Variants in COL27A1 observed in about 807,000 individuals in gnomAD.
COL27A1 encodes the protein collagen type XXVII alpha 1 chain, also known as collagen alpha-1(XXVII) chain.
In COL27A1, 106 loss-of-function variants were observed where a neutral mutation model predicts 251.3. The observed-to-expected ratio is 0.42, with a 90% CI of 0.36 to 0.50. The LOEUF is 0.50. Among genes scored for constraint, COL27A1 ranks in the 20% least tolerant of loss-of-function variants. The pLI is 0.00. For missense variants in COL27A1, 2,325 were observed against 2,522.8 expected (o/e 0.92, Z 1.68); for synonymous variants, 1,000 against 986.3 (o/e 1.01, Z -0.26).
chr9:114,257,136 G>C (rs1253790439), intron 27 of COL27A1, among the ~76,000 whole-genome samples: 2 of 152,228 alleles, frequency 1.3e-5, no homozygotes, highest in Non-Finnish European at 2.9e-5. Context: ...CAAAGCCATG[G>C]GGAAAGGGAA....
At chr9:114,276,730 G>A (rs1284713403) in intron 37 of COL27A1, among the ~76,000 whole-genome samples, 2 of 152,208 alleles carry the variant, frequency 1.3e-5, no homozygotes, top group African/African-American at 2.4e-5. Flanking sequence ...AATGTACTTA[G>A]TCAGTCCACA....
intron 5 of COL27A1, among the ~76,000 whole-genome samples, chr9:114,185,310 A>G (rs1470897648): frequency 6.6e-6 from 1 of 152,228 alleles, no homozygotes; most frequent in African/African-American, 2.4e-5. Flanking sequence ...CACTGGAATC[A>G]GAGGCTGCTT....
At chr9:114,257,148 T>C (rs1433325846) in intron 27 of COL27A1, among the ~76,000 whole-genome samples, 3 of 152,036 alleles carry the variant, frequency 2.0e-5, no homozygotes, top group East Asian at 1.9e-4. Flanking sequence ...GAAAGGGAAA[T>C]GGGAAAGTCA....
chr9:114,246,883 A>G (rs75114852), intron 24 of COL27A1, among the ~76,000 whole-genome samples: 1 of 151,742 alleles, frequency 6.6e-6, no homozygotes, highest in African/African-American at 2.4e-5. Context: ...AAAAAAAAAA[A>G]GGCAATTTGA....
At chr9:114,255,305 C>T (rs1833846368) in intron 27 of COL27A1, among the ~76,000 whole-genome samples, 1 of 152,124 alleles carries the variant, frequency 6.6e-6, no homozygotes, top group African/African-American at 2.4e-5. Flanking sequence ...GCCTCCCTCC[C>T]AGTGGTCAGA....
Position 114,300,606 on chromosome 9 carries a change from C to G in COL27A1, c.4639-19C>G. ...CAGTGGCTGCCAAGTACAGACAGCC[C>G]TTTCTCTGCCTCCCACAGGGCCCGC... is the stretch of plus-strand genomic sequence containing the variant. On this transcript the variant is annotated intron_variant, in intron 50 of 60. Coordinates refer to ENST00000356083, the MANE Select transcript of COL27A1 (RefSeq NM_032888.4). The G allele has an allele frequency of 1.3e-6, 2 of 1,535,622 alleles. No individual in the cohort carries two copies. The highest frequency in any genetic ancestry group is 2.5e-5 in the South Asian group (2 of 79,712).
At chr9:114,273,176 AG>A (rs1349546828) in intron 36 of COL27A1, 3 of 148,552 alleles carry the variant, frequency 2.0e-5, no homozygotes, top group African/African-American at 7.5e-5. Context: ...CACCTGGAAC[AG>A]GCTGTCTGCC....
At chr9:114,299,887 G>C (rs1564585567) in intron 49 of COL27A1, among the ~76,000 whole-genome samples, 183 bp from the exon 50 acceptor site, 1 of 152,216 alleles carries the variant, frequency 6.6e-6, no homozygotes, top group African/African-American at 2.4e-5. Context: ...GCTCCCCTCA[G>C]AGCCCAGGCG....
At chr9:114,164,401 G>A (rs764511334) in intron 2 of COL27A1, among the ~76,000 whole-genome samples, 5 of 152,228 alleles carry the variant, frequency 3.3e-5, no homozygotes, top group African/African-American at 4.8e-5. Context: ...TTTGCCAGGT[G>A]TCAGGGCTTG....
intron 56 of COL27A1, among the ~76,000 whole-genome samples, chr9:114,303,742 A>C (rs1053862080): frequency 2.0e-5 from 3 of 152,232 alleles, no homozygotes; most frequent in Admixed American, 1.3e-4. Context: ...CCCAGGCCTC[A>C]GCTTTTGCTG....
At chr9:114,216,204 T>C (rs917036070) in intron 12 of COL27A1, among the ~76,000 whole-genome samples, 6 of 152,154 alleles carry the variant, frequency 3.9e-5, no homozygotes, top group Non-Finnish European at 7.4e-5. Context: ...AAGTATGAAG[T>C]GTTCAGTTCT....
Position 114,310,761 on chromosome 9 carries a change from C to T in COL27A1, c.*66C>T, listed in dbSNP as rs1321302207. 4.5e-6 allele frequency: 7 copies of T among 1,569,534 alleles called. No individual in the cohort carries two copies. The highest frequency in any genetic ancestry group is 6.1e-6 in the Non-Finnish European group (7 of 1,146,674). On this transcript the variant is annotated 3_prime_UTR_variant, in exon 61 of 61. Coordinates refer to ENST00000356083, the MANE Select transcript of COL27A1 (RefSeq NM_032888.4). ...AAGAGGAAGAGGCAAGGGGAGGGTA[C>T]TGAGGGGCAGATGGCTCCAGGAGAG...
intron 3 of COL27A1, among the ~76,000 whole-genome samples, chr9:114,172,611 TG>T (rs761760736): frequency 4.6e-5 from 7 of 152,164 alleles, no homozygotes; most frequent in Admixed American, 6.6e-5. Flanking sequence ...TTCGCCAACA[TG>T]GTGAAACCCT....
chr9:114,231,797 G>A, intron 15 of COL27A1, 25 bp from the exon 16 acceptor site: 13 of 1,613,972 alleles, frequency 8.1e-6, no homozygotes, highest in Non-Finnish European at 1.1e-5. Flanking sequence ...TCCCATCACA[G>A]CTGGCCTTGG....
chr9:114,293,019 C>T (rs1212525186), intron 49 of COL27A1, among the ~76,000 whole-genome samples: 1 of 152,224 alleles, frequency 6.6e-6, no homozygotes, highest in African/African-American at 2.4e-5. Context: ...CAATATATTT[C>T]TCTCCTAATG....
chr9:114,194,384 T>C lies in COL27A1; in HGVS notation c.2017-20T>C. The C allele has an allele frequency of 6.2e-7, 1 of 1,612,662 alleles. No homozygotes were observed. The highest frequency in any genetic ancestry group is 8.5e-7 in the Non-Finnish European group (1 of 1,179,306). On this transcript the variant is annotated intron_variant, in intron 5 of 60. Transcript: ENST00000356083. ...TTTCTAGATGACTTGGTGGCCAAAG[T>C]GGAATTGTTTTTGTTTCAGGGACAG...
At chr9:114,224,974 C>T (rs1588698722) in intron 14 of COL27A1, among the ~76,000 whole-genome samples, 1 of 152,268 alleles carries the variant, frequency 6.6e-6, no homozygotes, top group South Asian at 2.1e-4. Context: ...CTCTCCGCTG[C>T]ACTCCACTGT....
intron 6 of COL27A1, among the ~76,000 whole-genome samples, chr9:114,194,738 T>C (rs1828988064): frequency 1.3e-5 from 2 of 152,240 alleles, no homozygotes; most frequent in African/African-American, 4.8e-5. Flanking sequence ...TTGGTGAATG[T>C]CCTTTTGCCT....
intron 3 of COL27A1, among the ~76,000 whole-genome samples, chr9:114,173,312 G>C (rs1309369252): frequency 6.6e-6 from 1 of 152,276 alleles, no homozygotes; most frequent in East Asian, 1.9e-4. Flanking sequence ...ACGCCGCTAA[G>C]GGCCTGGCCC....
Sources: allele counts gnomAD v4.1 joint callset (sites outside exome capture counted in the v4.1 genomes callset), GRCh38; gene constraint gnomAD v4.1.1; transcripts MANE v1.5; gene names NCBI Gene and HGNC (gene_info 2026-07-23, HGNC 2026-07-21).